NEK10: variants seen among roughly 807,000 people sequenced by gnomAD.
NEK10 encodes serine/threonine-protein kinase Nek10.
NEK10 carries 122 observed loss-of-function variants against 159.8 expected under a neutral mutation model. That is an observed-to-expected ratio of 0.76 (90% CI 0.66 to 0.89). The LOEUF is 0.89. Among genes scored for constraint, NEK10 ranks in the 40% least tolerant of loss-of-function variants. NEK10 has a pLI of 0.00. For synonymous variants in NEK10, 466 were observed against 457.1 expected, an observed-to-expected ratio of 1.02 and a Z score of -0.25; for missense variants, 1,342 against 1,323.1, an observed-to-expected ratio of 1.01 and a Z score of -0.22.
At chr3:27,298,963 A>G (rs2043586436) in intron 13 of NEK10, among the ~76,000 whole-genome samples, 1 of 152,230 alleles carries the variant, frequency 6.6e-6, no homozygotes, top group African/African-American at 2.4e-5. Context: ...ACACAGCATA[A>G]AAGTTTGGAA....
intron 32 of NEK10, among the ~76,000 whole-genome samples, chr3:27,121,297 G>A (rs1038345299): frequency 3.3e-5 from 5 of 152,196 alleles, no homozygotes; most frequent in Admixed American, 3.3e-4. Context: ...ACACGGTTCA[G>A]TGTTGGAGAA....
chr3:27,347,614 T>A (rs1383014124), intron 3 of NEK10, among the ~76,000 whole-genome samples: 2 of 152,162 alleles, frequency 1.3e-5, no homozygotes, highest in Non-Finnish European at 2.9e-5. Flanking sequence ...AAAGACATTG[T>A]TTAATAGTTA....
At chr3:27,117,976 T>C (rs1470409816) in intron 33 of NEK10, among the ~76,000 whole-genome samples, 1 of 152,220 alleles carries the variant, frequency 6.6e-6, no homozygotes, top group Non-Finnish European at 1.5e-5. Flanking sequence ...CTTTAATCCA[T>C]CTTGAATTAA....
At chr3:27,173,350 T>TGAA (rs1384848341) in intron 28 of NEK10, among the ~76,000 whole-genome samples, 1 of 152,216 alleles carries the variant, frequency 6.6e-6, no homozygotes, top group East Asian at 1.9e-4. Flanking sequence ...TATAGAACAC[T>TGAA]GAACTTATCT....
chr3:27,233,224 G>A (rs938833081), intron 23 of NEK10, among the ~76,000 whole-genome samples: 3 of 151,888 alleles, frequency 2.0e-5, no homozygotes, highest in Non-Finnish European at 4.4e-5. Context: ...ATCAAAAAGT[G>A]GGCAAAGCAC....
intron 32 of NEK10, among the ~76,000 whole-genome samples, chr3:27,128,288 G>A (rs1457725073): frequency 1.3e-5 from 2 of 152,170 alleles, no homozygotes. Flanking sequence ...TTAATCAGAT[G>A]TAGATTCAAG....
intron 22 of NEK10, among the ~76,000 whole-genome samples, chr3:27,280,118 A>G (rs1393368061): frequency 1.3e-5 from 2 of 151,362 alleles, no homozygotes; most frequent in Non-Finnish European, 2.9e-5. Context: ...AAAAAAAAAA[A>G]AGCTGGGAGA....
At chr3:27,231,616 GA>G (rs1953283246) in intron 23 of NEK10, among the ~76,000 whole-genome samples, 1 of 151,778 alleles carries the variant, frequency 6.6e-6, no homozygotes, top group African/African-American at 2.4e-5. Context: ...ACCATGAAAA[GA>G]AGAGAGAAGA....
At chr3:27,239,393 C>T (rs1005857650) in intron 23 of NEK10, among the ~76,000 whole-genome samples, 6 of 152,104 alleles carry the variant, frequency 3.9e-5, no homozygotes, top group Non-Finnish European at 8.8e-5. Context: ...GGAAGGGAAG[C>T]TCCAGCATTT....
intron 5 of NEK10, among the ~76,000 whole-genome samples, chr3:27,331,146 G>T (rs898822128): frequency 6.7e-6 from 1 of 149,038 alleles, no homozygotes. Flanking sequence ...CCGAGGCAGG[G>T]AGAATCGCTT....
chr3:27,339,202 T>G (rs758630245), intron 5 of NEK10, among the ~76,000 whole-genome samples: 2 of 152,230 alleles, frequency 1.3e-5, no homozygotes, highest in Non-Finnish European at 2.9e-5. Context: ...AGATCTCATT[T>G]GTCCATTTTG....
chr3:27,281,547 A>C (rs1047968827), intron 22 of NEK10, among the ~76,000 whole-genome samples: 1 of 152,104 alleles, frequency 6.6e-6, no homozygotes, highest in South Asian at 2.1e-4. Context: ...CTTTCATCTG[A>C]GAATACATAC....
Position 27,144,824 on chromosome 3 carries a change from C to T in NEK10, c.2870-3242G>A, listed in dbSNP as rs545395533. On this transcript the variant is annotated intron_variant, in intron 30 of 35. Transcript: ENST00000691995. Reference sequence around the variant, plus strand: ...GCAGCCTCTGCCTCCTGGGCTCAAGCAATCCTCCTGCCTCAGCCTCCCGTG... The same window carrying T: ...GCAGCCTCTGCCTCCTGGGCTCAAGTAATCCTCCTGCCTCAGCCTCCCGTG... Among the ~76,000 whole-genome samples, 431 of 152,256 alleles carry T rather than the reference C, an allele frequency of 2.8e-3. 4 individuals are homozygous for T. Among genetic ancestry groups the T allele is most frequent in the African/African-American group, 0.01 (419 of 41,552 alleles).
intron 29 of NEK10, 103 bp from the exon 30 acceptor site, chr3:27,162,841 G>T: frequency 4.0e-6 from 6 of 1,486,450 alleles, no homozygotes; most frequent in Non-Finnish European, 4.6e-6. Flanking sequence ...GATTAATAGA[G>T]ATTATTTTCC....
intron 26 of NEK10, among the ~76,000 whole-genome samples, chr3:27,190,221 C>T (rs1948990962): frequency 6.6e-6 from 1 of 152,152 alleles, no homozygotes; most frequent in African/African-American, 2.4e-5. Context: ...TAAAATCCCT[C>T]CCTTGGTTTC....
At chr3:27,291,442 CT>C (rs780974696) in intron 17 of NEK10, 41 bp downstream of exon 17, 166 of 1,604,468 alleles carry the variant, frequency 1.0e-4, no homozygotes, top group Non-Finnish European at 1.4e-4. Flanking sequence ...TACATCCTGA[CT>C]ACATAGCAGC....
intron 5 of NEK10, among the ~76,000 whole-genome samples, chr3:27,327,934 TAAA>T (rs34833708): frequency 2.0e-5 from 3 of 147,008 alleles, no homozygotes; most frequent in African/African-American, 7.5e-5. Flanking sequence ...ATGCAAAACT[TAAA>T]AAAAAAAAAA....
chr3:27,174,732 C>G lies in NEK10; in HGVS notation c.2607G>C (p.Gln869His). Reference protein sequence around the residue: ...ESADLPPEGFQASYGKDEDRA... With the variant: ...ESADLPPEGFHASYGKDEDRA... ...TGTCTTCGTCTTTACCATAGGAGGC[C>G]TGGAAGCCTTCAGGGGGCAGGTCTG... Residue 869 changes from glutamine (Q) to histidine (H), a missense_variant, in exon 27 of 36, where the codon CAG (glutamine) becomes CAC (histidine). Physicochemically the swap from Gln to His is conservative, Grantham distance 24 (BLOSUM62 0). Coordinates refer to ENST00000691995, the MANE Select transcript of NEK10 (RefSeq NM_001394966.1). 6.2e-7 allele frequency: 1 copy of G among 1,613,752 alleles called. No homozygotes were observed. The highest frequency in any genetic ancestry group is 1.3e-5 in the African/African-American group (1 of 74,998).
At chr3:27,254,092 C>T (rs1441782540) in intron 23 of NEK10, among the ~76,000 whole-genome samples, 1 of 152,198 alleles carries the variant, frequency 6.6e-6, no homozygotes, top group Non-Finnish European at 1.5e-5. Context: ...CAAAGACATC[C>T]TGTACACCAA....
Sources: allele counts gnomAD v4.1 joint callset (sites outside exome capture counted in the v4.1 genomes callset), GRCh38; gene constraint gnomAD v4.1.1; transcripts MANE v1.5; gene names NCBI Gene and HGNC (gene_info 2026-07-23, HGNC 2026-07-21).